Variants in AHCYL2 observed in about 807,000 individuals in gnomAD.
The protein encoded by AHCYL2 is S-adenosylhomocysteine hydrolase-like protein 2.
A neutral mutation model predicts 81.4 loss-of-function variants in AHCYL2; 28 were observed. The observed-to-expected ratio is 0.34, with a 90% CI of 0.25 to 0.47. The LOEUF (loss-of-function observed/expected upper bound fraction) is 0.47, where lower values mean the gene tolerates loss of function less well. Ranked by LOEUF, AHCYL2 falls within the 20% of genes least tolerant of loss-of-function variation. AHCYL2 has a pLI of 1.00. For missense variants in AHCYL2, 551 were observed against 785.1 expected (o/e 0.70, Z 3.56); for synonymous variants, 272 against 290.2 (o/e 0.94, Z 0.64).
At chr7:129,271,230 A>G (rs1041541573) in intron 1 of AHCYL2, among the ~76,000 whole-genome samples, 1 of 151,866 alleles carries the variant, frequency 6.6e-6, no homozygotes, top group Admixed American at 6.6e-5. Flanking sequence ...GCGTGGTGGC[A>G]GGCGCCTGTA....
intron 1 of AHCYL2, among the ~76,000 whole-genome samples, chr7:129,322,871 CA>C (rs1469757525): frequency 6.6e-6 from 1 of 152,220 alleles, no homozygotes; most frequent in African/African-American, 2.4e-5. Context: ...GCTGGGATTA[CA>C]GGTGTGAGCC....
intron 6 of AHCYL2, among the ~76,000 whole-genome samples, chr7:129,401,021 T>G (rs1022548119): frequency 1.3e-5 from 2 of 152,172 alleles, no homozygotes; most frequent in African/African-American, 4.8e-5. Flanking sequence ...ACATTAGATT[T>G]GCAAAGAGGC....
chr7:129,240,594 C>T (rs548053239), intron 1 of AHCYL2, among the ~76,000 whole-genome samples: 4 of 152,152 alleles, frequency 2.6e-5, no homozygotes, highest in African/African-American at 9.6e-5. Context: ...TGTTCCTGGG[C>T]ATTGTTTTCA....
chr7:129,351,912 A>G (rs1449397693), intron 1 of AHCYL2, among the ~76,000 whole-genome samples: 1 of 152,248 alleles, frequency 6.6e-6, no homozygotes, highest in Non-Finnish European at 1.5e-5. Flanking sequence ...TAAGTAATTA[A>G]TAACCATTAG....
At chr7:129,391,257 T>C (rs757420346) in intron 4 of AHCYL2, among the ~76,000 whole-genome samples, 1 of 152,230 alleles carries the variant, frequency 6.6e-6, no homozygotes, top group Non-Finnish European at 1.5e-5. Context: ...ACAAAAAGTA[T>C]GAGTTTTCTC....
rs546209807 is a variant in AHCYL2 at position 129,282,076 on chromosome 7, A to C, written c.363+56637A>C. Among the ~76,000 whole-genome samples, 3 of 152,260 alleles carry C rather than the reference A, an allele frequency of 2.0e-5. No homozygotes were observed. In the South Asian group the frequency reaches 6.2e-4, roughly 32 times the overall value. On this transcript the variant is annotated intron_variant, in intron 1 of 16. Coordinates refer to ENST00000325006, the MANE Select transcript of AHCYL2 (RefSeq NM_015328.4). The stretch of plus-strand genomic sequence containing the variant: ...TGTTGATTCCTAATTTAATTCCATT[A>C]TGGTTAGAGAACATACTTTGTATGA...
chr7:129,375,640 A>G, intron 1 of AHCYL2: 1 of 1,364,658 alleles, frequency 7.3e-7, no homozygotes. Context: ...CACTAGAATT[A>G]GGAATGGCTG....
rs1794233578 is a variant in AHCYL2, at chr7:129,368,889, G to T, written c.364-10749G>T. Among the ~76,000 whole-genome samples, 1 of 152,068 alleles carries T rather than the reference G, an allele frequency of 6.6e-6. No homozygotes were observed. On this transcript the variant is annotated intron_variant, in intron 1 of 16. Transcript: ENST00000325006. This position sits in a 1 kb window ranked among gnomAD's most constrained non-coding sequence, Gnocchi z 4.4. ...CTGTTTTCAACCTGATGCTTCATTT[G>T]TTTCTCTGGGGGTAAAGAAAAAGAA...
intron 14 of AHCYL2, 57 bp downstream of exon 14, chr7:129,424,999 G>C: frequency 6.2e-7 from 1 of 1,612,540 alleles, no homozygotes; most frequent in East Asian, 2.2e-5. Context: ...GACCCACCAG[G>C]TTTCACTTGC....
In AHCYL2 at chr7:129,231,188, C is replaced by T. The variant is rs183693517; in HGVS notation, c.363+5749C>T. On this transcript the variant is annotated intron_variant, in intron 1 of 16. Coordinates refer to ENST00000325006, the MANE Select transcript of AHCYL2 (RefSeq NM_015328.4). ...GCGGGAAGTGGAGGTTGCAGTGAGC[C>T]GAGATCATGCCACCGCGCTTCAGCC... Among the ~76,000 whole-genome samples, 22 of 151,670 alleles carry T rather than the reference C, an allele frequency of 1.5e-4. No homozygotes were observed. The South Asian group carries it at 2.3e-3, about 16-fold the overall frequency.
At chr7:129,326,611 A>G (rs553169189) in intron 1 of AHCYL2, among the ~76,000 whole-genome samples, 8 of 152,128 alleles carry the variant, frequency 5.3e-5, no homozygotes, top group East Asian at 1.9e-4. Context: ...TTGAACTCCT[A>G]TTCTTTAGGA....
At chr7:129,263,080 T>C (rs1340227563) in intron 1 of AHCYL2, among the ~76,000 whole-genome samples, 3 of 152,248 alleles carry the variant, frequency 2.0e-5, no homozygotes, top group African/African-American at 7.2e-5. Flanking sequence ...AAACCAAGCC[T>C]GTCTAGTCAG....
Position 129,427,003 on chromosome 7 carries a change from A to G in AHCYL2, c.1830-36A>G. 1 of 1,606,818 alleles carries G rather than the reference A, an allele frequency of 6.2e-7. No individual in the cohort carries two copies. Among genetic ancestry groups the G allele is most frequent in the Non-Finnish European group, 8.5e-7 (1 of 1,173,834 alleles). ...CATGTCCCAGCATCCCCATTAGCTG[A>G]TAACATCACAGTCTCATCTTTCTTT... On this transcript the variant is annotated intron_variant, in intron 16 of 16. Transcript: ENST00000325006. This position sits in a 1 kb window ranked among gnomAD's most constrained non-coding sequence, Gnocchi z 5.5.
At chr7:129,387,804 C>T (rs1268871635) in intron 2 of AHCYL2, among the ~76,000 whole-genome samples, 1 of 152,184 alleles carries the variant, frequency 6.6e-6, no homozygotes, top group East Asian at 1.9e-4. Context: ...ACAAAAGTCT[C>T]TTTGGGGATT....
In AHCYL2 at chr7:129,379,711, G is replaced by C. The variant is rs567017625; in HGVS notation, c.437G>C (p.Arg146Pro). 2.5e-6 allele frequency: 4 copies of C among 1,614,062 alleles called. No individual in the cohort carries two copies. Among genetic ancestry groups the C allele is most frequent in the Non-Finnish European group, 3.4e-6 (4 of 1,180,004 alleles). ...PTKIGRRSLS[R>P]SISQSSTDSY... ...AAAATTGGACGTCGCTCTTTGTCTC[G>C]TTCCATTTCTCAGTCATCTACTGAC... Residue 146 changes from arginine to proline, a missense_variant, in exon 2 of 17, where the codon CGT becomes CCT. Around this residue, in one of 2 missense-constraint regions of AHCYL2, gnomAD observed 235 missense variants for 242.1 expected, o/e 0.97. Transcript: ENST00000325006.
intron 1 of AHCYL2, among the ~76,000 whole-genome samples, chr7:129,322,754 G>A (rs1234805716): frequency 1.3e-5 from 2 of 152,036 alleles, no homozygotes; most frequent in Non-Finnish European, 1.5e-5. Context: ...ACCATGCCAG[G>A]CTAATTTCGT....
At chr7:129,317,586 C>G (rs1011664626) in intron 1 of AHCYL2, among the ~76,000 whole-genome samples, 1 of 152,160 alleles carries the variant, frequency 6.6e-6, no homozygotes, top group African/African-American at 2.4e-5. Context: ...TAGCAGAATC[C>G]CGTATGGGGC....
At chr7:129,409,421 TA>T in intron 10 of AHCYL2, 54 bp from the exon 11 acceptor site, 2 of 1,456,006 alleles carry the variant, frequency 1.4e-6, no homozygotes, top group Non-Finnish European at 1.9e-6. Flanking sequence ...AGTCCTGTGT[TA>T]AAAGGCTCCC....
intron 1 of AHCYL2, chr7:129,375,973 T>C: frequency 6.5e-7 from 1 of 1,535,366 alleles, no homozygotes; most frequent in Non-Finnish European, 8.7e-7. Flanking sequence ...CTATAGCCAT[T>C]ATTGTAAAAG....
Sources: allele counts gnomAD v4.1 joint callset (sites outside exome capture counted in the v4.1 genomes callset), GRCh38; gene constraint gnomAD v4.1.1; regional missense constraint gnomAD v4.1.1; non-coding constraint Gnocchi (gnomAD v3.1); transcripts MANE v1.5; gene names NCBI Gene and HGNC (gene_info 2026-07-23, HGNC 2026-07-21).